The following CTNNAL1 variants were observed in gnomAD, a reference collection of about 807,000 sequenced individuals.
CTNNAL1 encodes the protein alpha-catulin.
In CTNNAL1, 69 loss-of-function variants were observed where a neutral mutation model predicts 93.6. The ratio of observed to expected loss-of-function variants is 0.74; its 90% CI spans 0.61 to 0.90. The LOEUF (loss-of-function observed/expected upper bound fraction) is 0.90, where lower values mean the gene tolerates loss of function less well. Among genes scored for constraint, CTNNAL1 ranks in the 40% least tolerant of loss-of-function variants. The pLI, the probability that CTNNAL1 is intolerant of heterozygous loss-of-function variation, is 0.00. For synonymous variants in CTNNAL1, 286 were observed against 305.4 expected, an observed-to-expected ratio of 0.94 and a Z score of 0.66; for missense variants, 836 against 862.0, an observed-to-expected ratio of 0.97 and a Z score of 0.38.
chr9:108,953,933 G>A (rs543841748), intron 12 of CTNNAL1, among the ~76,000 whole-genome samples: 1 of 152,136 alleles, frequency 6.6e-6, no homozygotes, highest in Non-Finnish European at 1.5e-5. Context: ...CCTTGGTCTA[G>A]TTGACTATAA....
Position 108,942,849 on chromosome 9 carries a change from G to C in CTNNAL1, c.2140-15C>G. ...TCCATCTGAAGCTGGAAAGAGTTAAGACAATTAGTATCTGGTTTCACTCTG... is the reference window on the plus strand; with the variant it reads ...TCCATCTGAAGCTGGAAAGAGTTAACACAATTAGTATCTGGTTTCACTCTG... On this transcript the variant is annotated splice_polypyrimidine_tract_variant and intron_variant, in intron 18 of 18. Transcript: ENST00000325551. 6.2e-7 allele frequency: 1 copy of C among 1,613,198 alleles called. No individual in the cohort carries two copies. Among genetic ancestry groups the C allele is most frequent in the Non-Finnish European group, 8.5e-7 (1 of 1,179,568 alleles).
chr9:108,979,883 G>C (rs1831377927), intron 6 of CTNNAL1, among the ~76,000 whole-genome samples: 1 of 152,232 alleles, frequency 6.6e-6, no homozygotes, highest in East Asian at 1.9e-4. Flanking sequence ...AGCCCAGGGG[G>C]AAGGATGGTG....
At chr9:108,956,055 C>T (rs1293927211) in intron 11 of CTNNAL1, among the ~76,000 whole-genome samples, 1 of 152,204 alleles carries the variant, frequency 6.6e-6, no homozygotes, top group Non-Finnish European at 1.5e-5. Flanking sequence ...TCAATCTCCA[C>T]CTCTCCCAAC....
intron 11 of CTNNAL1, among the ~76,000 whole-genome samples, chr9:108,958,991 C>T (rs1025777370): frequency 2.6e-5 from 4 of 151,038 alleles, no homozygotes; most frequent in African/African-American, 2.4e-5. Flanking sequence ...CAGCCAGGCA[C>T]GGTGGCTCAT....
At chr9:108,951,167 C>T (rs544337605) in intron 14 of CTNNAL1, among the ~76,000 whole-genome samples, 8 of 151,510 alleles carry the variant, frequency 5.3e-5, no homozygotes, top group East Asian at 1.9e-4. Flanking sequence ...CCCGCCACCA[C>T]GCCCGGCTAA....
At chr9:108,986,258 A>C (rs1831602009) in intron 4 of CTNNAL1, among the ~76,000 whole-genome samples, 1 of 147,850 alleles carries the variant, frequency 6.8e-6, no homozygotes, top group Non-Finnish European at 1.5e-5. Context: ...ATTCCCATCT[A>C]TGAGTGAGAA....
At chr9:108,945,819 C>A (rs1830388488) in intron 15 of CTNNAL1, among the ~76,000 whole-genome samples, 1 of 152,106 alleles carries the variant, frequency 6.6e-6, no homozygotes, top group Non-Finnish European at 1.5e-5. Context: ...TTGGTTGAAT[C>A]TGCAGATGCA....
chr9:108,989,415 T>C (rs1831716185), intron 4 of CTNNAL1, among the ~76,000 whole-genome samples: 1 of 152,160 alleles, frequency 6.6e-6, no homozygotes. Context: ...AGAACAATAA[T>C]GGCAGACAGA....
At chr9:108,993,125 C>T (rs561742726) in intron 2 of CTNNAL1, among the ~76,000 whole-genome samples, 2 of 152,282 alleles carry the variant, frequency 1.3e-5, no homozygotes, top group Admixed American at 1.3e-4. Context: ...CCCTACAAGA[C>T]AGTAAGAGAA....
intron 2 of CTNNAL1, among the ~76,000 whole-genome samples, chr9:108,995,128 GT>G (rs1831970123): frequency 6.6e-6 from 1 of 152,188 alleles, no homozygotes; most frequent in South Asian, 2.1e-4. Context: ...AAGTTGCTAA[GT>G]TTGGGTTAAT....
chr9:108,982,067 A>G (rs965917808), intron 6 of CTNNAL1, among the ~76,000 whole-genome samples: 4 of 152,170 alleles, frequency 2.6e-5, no homozygotes, highest in African/African-American at 7.2e-5. Flanking sequence ...CTGTTAAAGG[A>G]GGGCATTGTA....
intron 8 of CTNNAL1, 30 bp from the exon 9 acceptor site, chr9:108,972,863 G>GCCCA: frequency 4.3e-6 from 1 of 231,686 alleles, no homozygotes; most frequent in Non-Finnish European, 7.1e-6. Context: ...TGGGGGGGTG[G>GCCCA]GAGGGTGGAG....
chr9:108,964,307 T>C (rs1243486598), intron 11 of CTNNAL1, among the ~76,000 whole-genome samples: 2 of 152,182 alleles, frequency 1.3e-5, no homozygotes, highest in African/African-American at 4.8e-5. Context: ...TGAGTATTTT[T>C]AAAATATGAA....
intron 11 of CTNNAL1, among the ~76,000 whole-genome samples, chr9:108,963,825 C>T (rs1830881786): frequency 6.6e-6 from 1 of 152,200 alleles, no homozygotes; most frequent in Non-Finnish European, 1.5e-5. Context: ...ACACTAACTT[C>T]AGGTAGTGCT....
At position 108,950,616 on chromosome 9, in the gene CTNNAL1, C is replaced by CTT. The variant is rs1564121579; in HGVS notation, c.1835+1591_1835+1592dup. 5.8e-6 allele frequency: 9 copies of CTT among 1,549,090 alleles called. No homozygotes were observed. The Admixed American group carries it at 1.8e-4, about 31-fold the overall frequency. On this transcript the variant is annotated intron_variant, in intron 14 of 18. Coordinates refer to ENST00000325551, the MANE Select transcript of CTNNAL1 (RefSeq NM_003798.4). Reference sequence around the variant, plus strand: ...TAATCCTCCTTCTATAGGAAGGAATCTTCACGAGCACAGGATCCCTCACTT... The same window carrying CTT: ...TAATCCTCCTTCTATAGGAAGGAATCTTTTCACGAGCACAGGATCCCTCACTT...
intron 11 of CTNNAL1, among the ~76,000 whole-genome samples, chr9:108,961,418 C>T (rs10979625): frequency 3.3e-5 from 5 of 152,148 alleles, no homozygotes; most frequent in Admixed American, 6.5e-5. Context: ...AAAGGCAGTA[C>T]ACACAATCAA....
At chr9:108,981,439 T>C (rs1305639254) in intron 6 of CTNNAL1, among the ~76,000 whole-genome samples, 1 of 150,184 alleles carries the variant, frequency 6.7e-6, no homozygotes, top group Non-Finnish European at 1.5e-5. Context: ...AAAGAAGGGT[T>C]CTACCACTTA....
chr9:108,949,208 T>C (rs959133206), intron 14 of CTNNAL1, among the ~76,000 whole-genome samples: 1 of 152,194 alleles, frequency 6.6e-6, no homozygotes, highest in African/African-American at 2.4e-5. Flanking sequence ...ATCCATTTTC[T>C]ATTCTGGAAT....
chr9:108,999,402 A>T, intron 1 of CTNNAL1, 146 bp from the exon 2 acceptor site: 1 of 712,214 alleles, frequency 1.4e-6, no homozygotes, highest in Non-Finnish European at 2.1e-6. Context: ...AGAGACAACC[A>T]GCAAAGTATC....
Sources: allele counts gnomAD v4.1 joint callset (sites outside exome capture counted in the v4.1 genomes callset), GRCh38; gene constraint gnomAD v4.1.1; transcripts MANE v1.5; gene names NCBI Gene and HGNC (gene_info 2026-07-23, HGNC 2026-07-21).